Variants in FRYL observed in about 807,000 individuals in gnomAD.
FRYL encodes FRY like transcription coactivator, also known as protein furry homolog-like.
FRYL carries 150 observed loss-of-function variants against 351.2 expected under a neutral mutation model. The ratio of observed to expected loss-of-function variants is 0.43; its 90% CI spans 0.37 to 0.49. FRYL has a LOEUF of 0.49. Among genes scored for constraint, FRYL ranks in the 20% least tolerant of loss-of-function variants. The pLI is 0.00. For missense variants in FRYL, 3,036 were observed against 3,619.3 expected (o/e 0.84, Z 4.13); for synonymous variants, 1,153 against 1,257.1 (o/e 0.92, Z 1.75).
At position 48,549,559 on chromosome 4, in the gene FRYL, T is replaced by G. The variant is rs781360403; in HGVS notation, c.4698A>C (p.Pro1566=). The change falls in exon 39 of 64, where the codon CCA becomes CCC. Residue 1566 remains proline, a synonymous_variant. Coordinates refer to ENST00000358350, the MANE Select transcript of FRYL (RefSeq NM_015030.2). This position sits in a 1 kb window ranked among gnomAD's most constrained non-coding sequence, Gnocchi z 4.2. The stretch of plus-strand genomic sequence containing the variant: ...AGCCTCCAGCTGGTGGGAAGGGCAG[T>G]GGCTCTCCTTGGTTATGCTCCATCA... ...LKVMEHNQGE[P]LPFPPAGGCW... 2 of 1,613,372 alleles carry G rather than the reference T, an allele frequency of 1.2e-6. No homozygotes were observed. The highest frequency in any genetic ancestry group is 1.7e-5 in the Admixed American group (1 of 59,942).
Position 48,576,097 on chromosome 4 carries a change from G to A in FRYL, c.2654C>T (p.Ser885Phe), listed in dbSNP as rs772651474. 1 of 1,613,790 alleles carries A rather than the reference G, an allele frequency of 6.2e-7. No homozygotes were observed. The highest frequency in any genetic ancestry group is 8.5e-7 in the Non-Finnish European group (1 of 1,179,912). ...ATSSSSTSAG[S>F]VRCSPPETLA... ...CGTCTCAGGAGGAGAACATCTCACAGAACCTGCAGATGTGGAAGATGACGA... is the reference window on the plus strand; with the variant it reads ...CGTCTCAGGAGGAGAACATCTCACAAAACCTGCAGATGTGGAAGATGACGA... The change falls in exon 24 of 64, where the codon TCT (serine) becomes TTT (phenylalanine). Residue 885 changes from serine to phenylalanine, a missense_variant. By Grantham distance (155) the Ser-to-Phe change is radical (BLOSUM62 -2). This residue lies in a region of FRYL where 492 missense variants were observed against 551.5 expected (regional missense o/e 0.89). Coordinates refer to ENST00000358350, the MANE Select transcript of FRYL (RefSeq NM_015030.2).
intron 19 of FRYL, among the ~76,000 whole-genome samples, chr4:48,586,105 T>G: frequency 6.6e-6 from 1 of 152,174 alleles, no homozygotes; most frequent in East Asian, 1.9e-4. Flanking sequence ...GAGCTAGTAT[T>G]TAAGTTTGGT....
chr4:48,559,921 C>A (rs1735086183), intron 33 of FRYL, among the ~76,000 whole-genome samples: 1 of 152,100 alleles, frequency 6.6e-6, no homozygotes, highest in African/African-American at 2.4e-5. Context: ...AGACTATTAG[C>A]CAGTGACTAG....
chr4:48,671,686 A>G (rs1464928948), intron 3 of FRYL, among the ~76,000 whole-genome samples: 1 of 150,474 alleles, frequency 6.6e-6, no homozygotes, highest in Non-Finnish European at 1.5e-5. Flanking sequence ...ACAAAACAAA[A>G]ATACAAAAAT....
At chr4:48,681,060 A>G (rs1331688626) in intron 3 of FRYL, 2 of 1,285,454 alleles carry the variant, frequency 1.6e-6, no homozygotes, top group Non-Finnish European at 2.0e-6. Flanking sequence ...AACTTTCCTC[A>G]GTACTAGTAT....
At chr4:48,604,693 G>A (rs958072229) in intron 11 of FRYL, among the ~76,000 whole-genome samples, 7 of 152,158 alleles carry the variant, frequency 4.6e-5, no homozygotes, top group African/African-American at 1.4e-4. Flanking sequence ...TCTAGCCTCC[G>A]TAAATATGAG....
intron 1 of FRYL, among the ~76,000 whole-genome samples, chr4:48,742,519 C>T (rs922501479): frequency 1.3e-5 from 2 of 152,154 alleles, no homozygotes; most frequent in African/African-American, 4.8e-5. Flanking sequence ...AGTCTCACAG[C>T]TCTGAATATC....
Position 48,590,686 on chromosome 4 carries a change from A to G in FRYL, c.1480T>C (p.Leu494=). Residue 494 remains leucine, a synonymous_variant, in exon 17 of 64, where the codon TTG becomes CTG. Transcript: ENST00000358350. ...ATGACTTTTGCTTCTTCATCTGTCA[A>G]GGTTTTATTGAGAAATATTTTCTTT... ...RVKKIFLNKT[L]TDEEAKVIGM... The G allele has an allele frequency of 6.2e-7, 1 of 1,610,888 alleles. No individual in the cohort carries two copies. The highest frequency in any genetic ancestry group is 8.5e-7 in the Non-Finnish European group (1 of 1,178,052).
chr4:48,689,053 G>T (rs1334362060), intron 2 of FRYL, among the ~76,000 whole-genome samples: 1 of 152,080 alleles, frequency 6.6e-6, no homozygotes, highest in Non-Finnish European at 1.5e-5. Context: ...TACATGACCT[G>T]CTAAAAATGC....
At chr4:48,738,795 C>T (rs539958067) in intron 1 of FRYL, among the ~76,000 whole-genome samples, 10 of 151,808 alleles carry the variant, frequency 6.6e-5, no homozygotes, top group African/African-American at 7.3e-5. Context: ...TGTGAGCCAC[C>T]GCCCCCAGAC....
chr4:48,506,161 A>G (rs1286635296), intron 59 of FRYL: 1 of 152,180 alleles, frequency 6.6e-6, no homozygotes, highest in African/African-American at 2.4e-5. Flanking sequence ...ACAAACAAAC[A>G]TGTTATTTAT....
In FRYL at chr4:48,656,389, A is replaced by G. The variant is rs1398840133; in HGVS notation, c.-80-21899T>C. ...ATAATATATACTAAATATATAATAT[A>G]TAATTAATATATAATTATATATAAT... On this transcript the variant is annotated intron_variant, in intron 3 of 63. Coordinates refer to ENST00000358350, the MANE Select transcript of FRYL (RefSeq NM_015030.2). Among the ~76,000 whole-genome samples, 292 of 132,342 alleles carry G rather than the reference A, an allele frequency of 2.2e-3. 1 individual carries two copies. Among genetic ancestry groups the G allele is most frequent in the Middle Eastern group, 8.9e-3 (1 of 112 alleles). 86.8% of individuals were successfully genotyped at this position (132,342 alleles called of 152,430 possible).
intron 1 of FRYL, among the ~76,000 whole-genome samples, chr4:48,715,147 C>T (rs1286888340): frequency 6.6e-6 from 1 of 151,928 alleles, no homozygotes; most frequent in Admixed American, 6.6e-5. Context: ...CTATCTATGA[C>T]AAACCCACAG....
rs145276644 is a variant in FRYL, at chr4:48,721,219, C to T, written c.-383-10521G>A. Among the ~76,000 whole-genome samples, 4 of 152,174 alleles carry T rather than the reference C, an allele frequency of 2.6e-5. No homozygotes were observed. In the East Asian group the frequency reaches 7.7e-4, roughly 29 times the overall value. On this transcript the variant is annotated intron_variant, in intron 1 of 63. Transcript: ENST00000358350. ...TTATTACCTTTCTCCCTAACTAGAA[C>T]GTAAACACCTATGGCCATTGTATCC...
chr4:48,511,022 TAAG>T (rs1722359030), intron 57 of FRYL, 38 bp from the exon 58 acceptor site: 5 of 1,487,068 alleles, frequency 3.4e-6, no homozygotes, highest in Non-Finnish European at 4.6e-6. Flanking sequence ...TAGTGTTTCA[TAAG>T]AAGGCCTTTT....
At chr4:48,548,291 T>C (rs1251548230) in intron 40 of FRYL, among the ~76,000 whole-genome samples, 1 of 152,202 alleles carries the variant, frequency 6.6e-6, no homozygotes, top group East Asian at 1.9e-4. Flanking sequence ...TCAGGTATAA[T>C]AATGAGGCTA....
At chr4:48,523,145 G>GCTT in intron 53 of FRYL, 41 bp from the exon 54 acceptor site, 1 of 1,327,174 alleles carries the variant, frequency 7.5e-7, no homozygotes, top group Non-Finnish European at 1.1e-6. Flanking sequence ...TCAAATACAT[G>GCTT]CTTCTAAATG....
intron 45 of FRYL, 70 bp downstream of exon 45, chr4:48,541,955 TAA>T (rs1218794526): frequency 9.7e-7 from 1 of 1,032,682 alleles, no homozygotes; most frequent in South Asian, 1.3e-5. Context: ...ATTAGAATTT[TAA>T]AAGTTATAGC....
At chr4:48,770,516 C>T (rs1410605293) in intron 1 of FRYL, among the ~76,000 whole-genome samples, 4 of 152,140 alleles carry the variant, frequency 2.6e-5, no homozygotes, top group Non-Finnish European at 5.9e-5. Flanking sequence ...CGGCTCACCG[C>T]AACCTCCGCC....
Sources: gnomAD v4.1 joint callset for allele counts (sites outside exome capture counted in the v4.1 genomes callset) on GRCh38, gnomAD v4.1.1 for gene constraint, gnomAD v4.1.1 regional missense constraint, Gnocchi (gnomAD v3.1) non-coding constraint, MANE v1.5 for transcripts, NCBI Gene and HGNC (gene_info 2026-07-23, HGNC 2026-07-21) for gene names.